DNAI7: variants seen among roughly 807,000 people sequenced by gnomAD.
DNAI7 encodes the protein dynein axonemal intermediate chain 7, also known as cancer susceptibility 1.
A neutral mutation model predicts 86.6 loss-of-function variants in DNAI7; 78 were observed. The observed-to-expected ratio is 0.90, with a 90% confidence interval of 0.75 to 1.09. DNAI7 has a LOEUF of 1.09. Ranked by LOEUF, DNAI7 falls within the 50% of genes least tolerant of loss-of-function variation. DNAI7 has a pLI of 0.00. For missense variants in DNAI7, 753 were observed against 810.2 expected (o/e 0.93, Z 0.86); for synonymous variants, 274 against 273.0 (o/e 1.00, Z -0.04).
At chr12:25,190,973 C>T (rs1185068283) in intron 1 of DNAI7, among the ~76,000 whole-genome samples, 2 of 152,082 alleles carry the variant, frequency 1.3e-5, no homozygotes, top group Non-Finnish European at 2.9e-5. Flanking sequence ...CAAGAAGGCA[C>T]TAGTTTAAAG....
rs1433146985 is a variant in DNAI7 at position 25,108,441 on chromosome 12, T to A, written c.*107A>T. ...AAAATGCAGATTAGAAAATTTTTAA[T>A]AGTTGATTTGAAATGTATTCATTCA... On this transcript the variant is annotated 3_prime_UTR_variant, in exon 16 of 16. Coordinates refer to ENST00000395987, the MANE Select transcript of DNAI7 (RefSeq NM_018272.5). 5 of 942,538 alleles carry A rather than the reference T, an allele frequency of 5.3e-6. No homozygotes were observed. Among genetic ancestry groups the A allele is most frequent in the Non-Finnish European group, 6.0e-6 (4 of 669,906 alleles). 58.4% of individuals were successfully genotyped at this position (942,538 alleles called of 1,614,324 possible). A position where few individuals can be genotyped will look rare whatever the true frequency, so the allele number is the denominator to read the frequency against.
At chr12:25,110,304 G>C (rs1949712217) in intron 14 of DNAI7, 64 bp from the exon 15 acceptor site, 2 of 911,890 alleles carry the variant, frequency 2.2e-6, no homozygotes, top group East Asian at 4.8e-5. Context: ...CTCCATCTTT[G>C]GCCTCCTTCA....
At chr12:25,180,266 A>T (rs1949376501) in intron 2 of DNAI7, among the ~76,000 whole-genome samples, 1 of 152,190 alleles carries the variant, frequency 6.6e-6, no homozygotes, top group Admixed American at 6.5e-5. Context: ...GAACTACAAA[A>T]CACTGCTGAA....
rs867419369 is a variant in DNAI7 at position 25,111,247 on chromosome 12, T to C, written c.1779+525A>G. ...TGCTAGATGCTAGAAGAATCAATGTTCATTAAGAAATGACCCCCATCCTCA... is the reference window on the plus strand; with the variant it reads ...TGCTAGATGCTAGAAGAATCAATGTCCATTAAGAAATGACCCCCATCCTCA... On this transcript the variant is annotated intron_variant, in intron 14 of 15. Transcript: ENST00000395987. Among the ~76,000 whole-genome samples, 12 of 152,322 alleles carry C rather than the reference T, an allele frequency of 7.9e-5. 2 individuals are homozygous for C. The Middle Eastern group carries it at 0.031, about 389-fold the overall frequency.
At chr12:25,181,947 A>G (rs1001633229) in intron 2 of DNAI7, among the ~76,000 whole-genome samples, 3 of 152,356 alleles carry the variant, frequency 2.0e-5, no homozygotes, top group South Asian at 2.1e-4. Flanking sequence ...ATTGAAAACA[A>G]TATGAAGATT....
chr12:25,123,819 A>T (rs1276509433), intron 9 of DNAI7, among the ~76,000 whole-genome samples: 3 of 152,194 alleles, frequency 2.0e-5, no homozygotes, highest in African/African-American at 7.2e-5. Flanking sequence ...AAGTCATTTA[A>T]CTATTATGAG....
chr12:25,176,911 T>A (rs1229762371), intron 2 of DNAI7, among the ~76,000 whole-genome samples: 2 of 147,894 alleles, frequency 1.4e-5, no homozygotes, highest in Non-Finnish European at 3.0e-5. Context: ...CTTTTTTTTT[T>A]TTTTTTTTTG....
intron 9 of DNAI7, among the ~76,000 whole-genome samples, chr12:25,124,199 C>T (rs1190681464): frequency 6.6e-6 from 1 of 152,086 alleles, no homozygotes; most frequent in Non-Finnish European, 1.5e-5. Context: ...ATGACTCTTA[C>T]CCATCATACA....
intron 2 of DNAI7, among the ~76,000 whole-genome samples, chr12:25,166,182 C>T (rs1291290284): frequency 2.0e-5 from 3 of 152,158 alleles, no homozygotes; most frequent in Non-Finnish European, 2.9e-5. Flanking sequence ...TGTTATCACT[C>T]GCCTGCTACA....
At chr12:25,188,059 G>A (rs1184066706) in intron 2 of DNAI7, among the ~76,000 whole-genome samples, 1 of 152,192 alleles carries the variant, frequency 6.6e-6, no homozygotes, top group African/African-American at 2.4e-5. Context: ...AATTTAAGTA[G>A]TACCAGACTG....
At chr12:25,161,330 T>A in intron 2 of DNAI7, 133 bp from the exon 3 acceptor site, 1 of 739,876 alleles carries the variant, frequency 1.4e-6, no homozygotes, top group Non-Finnish European at 2.4e-6. Flanking sequence ...ATTCAACAAA[T>A]AAGACTGCCT....
At chr12:25,152,921 T>G (rs551537240) in intron 6 of DNAI7, among the ~76,000 whole-genome samples, 1 of 152,248 alleles carries the variant, frequency 6.6e-6, no homozygotes, top group Non-Finnish European at 1.5e-5. Flanking sequence ...GCTTCCTGAA[T>G]GTGAGGATTC....
intron 2 of DNAI7, among the ~76,000 whole-genome samples, chr12:25,187,234 A>G (rs1437100695): frequency 6.6e-6 from 1 of 152,120 alleles, no homozygotes; most frequent in Non-Finnish European, 1.5e-5. Flanking sequence ...CCACACTGGC[A>G]TTTCACCAAG....
intron 9 of DNAI7, among the ~76,000 whole-genome samples, chr12:25,129,158 G>A (rs1423047478): frequency 2.0e-5 from 3 of 152,098 alleles, no homozygotes; most frequent in Non-Finnish European, 2.9e-5. Context: ...CTTGTCATCT[G>A]GGTCTCGGCT....
At chr12:25,119,858 G>A (rs769224556) in intron 11 of DNAI7, among the ~76,000 whole-genome samples, 5 of 152,138 alleles carry the variant, frequency 3.3e-5, no homozygotes, top group Non-Finnish European at 7.3e-5. Context: ...AAGGATCTAG[G>A]GAAGGAAGAA....
chr12:25,108,042 T>C, downstream of DNAI7: 1 of 1,614,050 alleles, frequency 6.2e-7, no homozygotes, highest in South Asian at 1.1e-5. Context: ...TCCGACACAA[T>C]GGGCCACCAC....
At position 25,149,762 on chromosome 12, in the gene DNAI7, A is replaced by G. The variant is rs562559332; in HGVS notation, c.451T>C (p.Leu151=). The G allele has an allele frequency of 3.5e-5, 53 of 1,505,180 alleles. No individual in the cohort carries two copies. Among genetic ancestry groups the G allele is most frequent in the Non-Finnish European group, 4.4e-5 (48 of 1,087,094 alleles). The allele number at this position is 1,505,180 out of a possible 1,614,324, so 93.2% of individuals were successfully genotyped here. ...SKVVLNLIEK[L]KFILLETPPC... is the part of the protein sequence containing the mutation. ...GGAGTTTCCAGTAAAATAAATTTCA[A>G]TTTCTCAATTAACTGTAAAGTAAAA... Residue 151 remains leucine, a synonymous_variant, in exon 7 of 16, where the codon TTG becomes CTG. Coordinates refer to ENST00000395987, the MANE Select transcript of DNAI7 (RefSeq NM_018272.5).
At position 25,154,449 on chromosome 12, in the gene DNAI7, T is replaced by G; in HGVS notation, c.308A>C (p.His103Pro). 1 of 1,606,404 alleles carries G rather than the reference T, an allele frequency of 6.2e-7. No homozygotes were observed. Among genetic ancestry groups the G allele is most frequent in the Non-Finnish European group, 8.5e-7 (1 of 1,178,398 alleles). ...AGGACTCCCATCACATTGAATGTAG[T>G]GCTTCCACTGTGGAATAAAAATGTT... ...QETKLLSQWK[H>P]YIQCDGSPDP... Residue 103 changes from histidine (H) to proline (P), a missense_variant, in exon 6 of 16, where the codon CAC becomes CCC. Coordinates refer to ENST00000395987, the MANE Select transcript of DNAI7 (RefSeq NM_018272.5).
chr12:25,135,802 C>T (rs1943474148), intron 9 of DNAI7, among the ~76,000 whole-genome samples: 1 of 151,628 alleles, frequency 6.6e-6, no homozygotes, highest in South Asian at 2.1e-4. Context: ...AGCATAATTC[C>T]ACTGGCCTGA....
Sources: gnomAD v4.1 joint callset for allele counts (sites outside exome capture counted in the v4.1 genomes callset) on GRCh38, gnomAD v4.1.1 for gene constraint, MANE v1.5 for transcripts, NCBI Gene and HGNC (gene_info 2026-07-23, HGNC 2026-07-21) for gene names.